Variants in TYW1B observed in about 807,000 individuals in gnomAD.
The protein encoded by TYW1B is tRNA-yW synthesizing protein 1 homolog B, also known as S-adenosyl-L-methionine-dependent tRNA 4-demethylwyosine synthase TYW1B.
A neutral mutation model predicts 86.9 loss-of-function variants in TYW1B; 73 were observed. The observed-to-expected ratio is 0.84, with a 90% CI of 0.70 to 1.02. The LOEUF (loss-of-function observed/expected upper bound fraction) is 1.02. Ranked by LOEUF, TYW1B falls within the 50% of genes least tolerant of loss-of-function variation. The probability of loss-of-function intolerance (pLI) is 0.00; values close to 1 mark genes in which losing one functional copy is unlikely to be tolerated. For synonymous variants in TYW1B, 248 were observed against 292.8 expected, an observed-to-expected ratio of 0.85 and a Z score of 1.56; for missense variants, 637 against 827.4, an observed-to-expected ratio of 0.77 and a Z score of 2.82.
At chr7:72,703,028 T>A (rs1431214516) in intron 10 of TYW1B, among the ~76,000 whole-genome samples, 30 of 86,058 alleles carry the variant, frequency 3.5e-4, no homozygotes, top group Admixed American at 6.7e-4. Flanking sequence ...ATATATATAT[T>A]TTTTTTTTTT....
chr7:72,733,767 GAATA>G (rs1554460389), intron 8 of TYW1B, among the ~76,000 whole-genome samples: 1 of 152,282 alleles, frequency 6.6e-6, no homozygotes, highest in East Asian at 1.9e-4. Flanking sequence ...TGGGTTGGAA[GAATA>G]AATATAGTTA....
chr7:72,640,260 C>G (rs181911800), intron 11 of TYW1B, among the ~76,000 whole-genome samples: 35 of 152,000 alleles, frequency 2.3e-4, no homozygotes, highest in African/African-American at 8.0e-4. Flanking sequence ...GTATTTCATG[C>G]AAACAGATAA....
At chr7:72,669,010 A>G (rs1296025178) in intron 11 of TYW1B, among the ~76,000 whole-genome samples, 1 of 152,136 alleles carries the variant, frequency 6.6e-6, no homozygotes, top group Admixed American at 6.6e-5. Flanking sequence ...AACTTGAAAT[A>G]TACTACACAC....
intron 6 of TYW1B, among the ~76,000 whole-genome samples, chr7:72,796,758 A>T (rs532411788): frequency 2.0e-5 from 3 of 150,432 alleles, no homozygotes; most frequent in African/African-American, 7.3e-5. Flanking sequence ...GCCCTTTATC[A>T]TAAGGAATGC....
rs1197804202 is a variant in TYW1B at position 72,827,497 on chromosome 7, G to GA, written c.5-513dup. Among the ~76,000 whole-genome samples the GA allele has an allele frequency of 1.6e-4, 24 of 152,116 alleles. No individual in the cohort carries two copies. In the East Asian group the frequency reaches 4.4e-3, roughly 28 times the overall value. ...ATCATACTGTTAACACTAACTCAAAGAAAAAACAGAATATAAAACTGTATC... is the reference window on the plus strand; with the variant it reads ...ATCATACTGTTAACACTAACTCAAAGAAAAAAACAGAATATAAAACTGTATC... On this transcript the variant is annotated intron_variant, in intron 1 of 13. Coordinates refer to ENST00000620995, the MANE Select transcript of TYW1B (RefSeq NM_001145440.3).
chr7:72,757,731 T>C (rs1787616998), intron 7 of TYW1B, among the ~76,000 whole-genome samples: 1 of 152,164 alleles, frequency 6.6e-6, no homozygotes. Flanking sequence ...CATGCTTGTA[T>C]GCCTGATAAC....
intron 9 of TYW1B, among the ~76,000 whole-genome samples, chr7:72,727,623 C>G (rs1443089969): frequency 2.0e-5 from 3 of 151,914 alleles, no homozygotes; most frequent in African/African-American, 2.4e-5. Context: ...TTGAGACCAG[C>G]CTGGGCAACA....
chr7:72,603,318 TA>T (rs1350944874), intron 13 of TYW1B, among the ~76,000 whole-genome samples: 6 of 128,744 alleles, frequency 4.7e-5, no homozygotes, highest in African/African-American at 1.5e-4. Flanking sequence ...GATGGACAGA[TA>T]GATGATGGAT....
chr7:72,717,059 G>A (rs1554456274), intron 9 of TYW1B, among the ~76,000 whole-genome samples: 1 of 152,026 alleles, frequency 6.6e-6, no homozygotes, highest in Non-Finnish European at 1.5e-5. Context: ...CCAGCACTTA[G>A]TGATGCCGAG....
chr7:72,709,509 A>C (rs1248017921), intron 10 of TYW1B, among the ~76,000 whole-genome samples: 2 of 152,158 alleles, frequency 1.3e-5, no homozygotes, highest in Non-Finnish European at 2.9e-5. Flanking sequence ...TCTACTAAAA[A>C]TACAAAAAAT....
chr7:72,605,897 T>C lies in TYW1B; in HGVS notation c.1785+10775A>G, dbSNP rs140961884. ...TCAAATAGTCCCATCTGGATTGGCA[T>C]TACTGTTCACTAGGAGATGCGAACC... On this transcript the variant is annotated intron_variant, in intron 13 of 13. Coordinates refer to ENST00000620995, the MANE Select transcript of TYW1B (RefSeq NM_001145440.3). Among the ~76,000 whole-genome samples the C allele has an allele frequency of 4.6e-5, 7 of 152,270 alleles. No homozygotes were observed. The South Asian group carries it at 8.3e-4, about 18-fold the overall frequency.
At chr7:72,802,048 T>A (rs1439022734) in intron 6 of TYW1B, among the ~76,000 whole-genome samples, 1 of 152,178 alleles carries the variant, frequency 6.6e-6, no homozygotes, top group Non-Finnish European at 1.5e-5. Flanking sequence ...GCGATTTTTT[T>A]TTTTTTTAGC....
chr7:72,810,800 T>G (rs1788596455), intron 3 of TYW1B, 135 bp from the exon 4 acceptor site: 1 of 1,259,914 alleles, frequency 7.9e-7, no homozygotes, highest in Non-Finnish European at 1.1e-6. Flanking sequence ...TTTTCGAAAG[T>G]GAAGGGCCTG....
rs185052714 is a variant in TYW1B at position 72,797,219 on chromosome 7, T to A, written c.846+5181A>T. On this transcript the variant is annotated intron_variant, in intron 6 of 13. Transcript: ENST00000620995. ...TGATCACCAGAAAGAAACCATGTGA[T>A]TAGAGGATTAGAATTTAGGGCCAGC... Among the ~76,000 whole-genome samples, 6 of 152,242 alleles carry A rather than the reference T, an allele frequency of 3.9e-5. No homozygotes were observed. In the East Asian group the frequency reaches 1.2e-3, roughly 29 times the overall value.
At chr7:72,579,051 ATTTT>A (rs534611898) in intron 13 of TYW1B, among the ~76,000 whole-genome samples, 1 of 147,072 alleles carries the variant, frequency 6.8e-6, no homozygotes, top group African/African-American at 2.5e-5. Flanking sequence ...AATGGACTTA[ATTTT>A]TTTTTTTTTA....
At chr7:72,822,299 A>C (rs1320362843) in intron 2 of TYW1B, among the ~76,000 whole-genome samples, 1 of 152,056 alleles carries the variant, frequency 6.6e-6, no homozygotes, top group Non-Finnish European at 1.5e-5. Flanking sequence ...TCCCAGAAAA[A>C]AAGAAATGAA....
At chr7:72,684,581 A>T (rs1446694571) in intron 11 of TYW1B, among the ~76,000 whole-genome samples, 1 of 152,204 alleles carries the variant, frequency 6.6e-6, no homozygotes, top group Non-Finnish European at 1.5e-5. Flanking sequence ...GAAGCTCTTC[A>T]GAGAAAAGGA....
intron 11 of TYW1B, among the ~76,000 whole-genome samples, chr7:72,651,924 C>G (rs530696423): frequency 2.5e-4 from 38 of 152,170 alleles, no homozygotes; most frequent in African/African-American, 9.2e-4. Context: ...ACAATTTTAA[C>G]TAATTAATTA....
At chr7:72,731,199 G>T (rs111758389) in intron 8 of TYW1B, among the ~76,000 whole-genome samples, 2 of 148,650 alleles carry the variant, frequency 1.3e-5, no homozygotes, top group African/African-American at 4.9e-5. Context: ...AAAGCCTGTC[G>T]CAGACAAGTA....
Sources: gnomAD v4.1 joint callset for allele counts (sites outside exome capture counted in the v4.1 genomes callset) on GRCh38, gnomAD v4.1.1 for gene constraint, MANE v1.5 for transcripts, NCBI Gene and HGNC (gene_info 2026-07-23, HGNC 2026-07-21) for gene names.